The following GMDS variants were observed in gnomAD, a reference collection of about 807,000 sequenced individuals.
GMDS encodes the protein GDP-mannose 4,6-dehydratase, also known as GDP-mannose 4,6 dehydratase.
Under a neutral mutation model 49.9 loss-of-function variants are expected in GMDS, and 20 were observed. The ratio of observed to expected loss-of-function variants is 0.40; its 90% CI spans 0.28 to 0.58. The LOEUF is 0.58. GMDS is among the 20% of genes least tolerant of loss of function. GMDS has a pLI of 0.42. For missense variants in GMDS, 362 were observed against 481.4 expected (o/e 0.75, Z 2.32); for synonymous variants, 177 against 178.6 (o/e 0.99, Z 0.07).
chr6:1,888,701 A>C (rs1436068797), intron 7 of GMDS, among the ~76,000 whole-genome samples: 1 of 152,196 alleles, frequency 6.6e-6, no homozygotes, highest in Non-Finnish European at 1.5e-5. Context: ...CAAAAGTCCA[A>C]GTCCAAAGTC....
chr6:1,910,402 T>C (rs892381349), intron 7 of GMDS, among the ~76,000 whole-genome samples: 1 of 152,108 alleles, frequency 6.6e-6, no homozygotes, highest in Non-Finnish European at 1.5e-5. Flanking sequence ...TCATAATCTG[T>C]GTCACAGAAC....
chr6:1,671,756 C>CT (rs1764438432), intron 9 of GMDS, among the ~76,000 whole-genome samples: 1 of 144,290 alleles, frequency 6.9e-6, no homozygotes, highest in South Asian at 2.3e-4. Context: ...CCTCTGCCCC[C>CT]CGGGTTCAAC....
chr6:2,027,444 T>C (rs1768671161), intron 4 of GMDS, among the ~76,000 whole-genome samples: 1 of 152,174 alleles, frequency 6.6e-6, no homozygotes, highest in Non-Finnish European at 1.5e-5. Flanking sequence ...GCAGGGAATT[T>C]GAAAGATTTT....
At chr6:1,638,386 C>A (rs1301416291) in intron 9 of GMDS, among the ~76,000 whole-genome samples, 1 of 152,170 alleles carries the variant, frequency 6.6e-6, no homozygotes, top group Non-Finnish European at 1.5e-5. Flanking sequence ...ATTAACGTAG[C>A]TTTCTCGAAA....
intron 9 of GMDS, among the ~76,000 whole-genome samples, chr6:1,662,612 C>T (rs1191681294): frequency 6.6e-6 from 1 of 152,012 alleles, no homozygotes; most frequent in Non-Finnish European, 1.5e-5. Flanking sequence ...ACTGGAACAT[C>T]CAAGGAGAAG....
At chr6:2,091,403 G>A (rs1773304036) in intron 4 of GMDS, among the ~76,000 whole-genome samples, 1 of 152,150 alleles carries the variant, frequency 6.6e-6, no homozygotes, top group African/African-American at 2.4e-5. Context: ...TGAGCTACAA[G>A]GACAGTGTAA....
chr6:1,957,417 T>C (rs1763701146), intron 6 of GMDS, among the ~76,000 whole-genome samples: 1 of 152,234 alleles, frequency 6.6e-6, no homozygotes, highest in South Asian at 2.1e-4. Flanking sequence ...TGAAAATTAA[T>C]GATCAAGTTT....
intron 4 of GMDS, among the ~76,000 whole-genome samples, chr6:1,998,526 AAC>A (rs1303176461): frequency 6.6e-6 from 1 of 152,192 alleles, no homozygotes; most frequent in Admixed American, 6.5e-5. Context: ...ACAAAATATT[AAC>A]AGTCAGCCCT....
At chr6:2,234,485 T>C (rs1177435740) in intron 1 of GMDS, among the ~76,000 whole-genome samples, 1 of 152,104 alleles carries the variant, frequency 6.6e-6, no homozygotes, top group African/African-American at 2.4e-5. Flanking sequence ...AGCGGGTGCC[T>C]GTAATCCCAG....
intron 7 of GMDS, among the ~76,000 whole-genome samples, chr6:1,813,907 C>T (rs191781036): frequency 1.4e-3 from 211 of 152,198 alleles, no homozygotes; most frequent in Non-Finnish European, 2.0e-3. Context: ...CAGTAATATT[C>T]GGGCTTATAT....
At chr6:1,721,799 A>C (rs941580820) in intron 9 of GMDS, among the ~76,000 whole-genome samples, 2 of 152,152 alleles carry the variant, frequency 1.3e-5, no homozygotes, top group Admixed American at 6.5e-5. Flanking sequence ...TATTTTATAT[A>C]TATTAATAGG....
intron 1 of GMDS, among the ~76,000 whole-genome samples, chr6:2,228,561 G>A (rs1780926235): frequency 6.6e-6 from 1 of 152,198 alleles, no homozygotes; most frequent in African/African-American, 2.4e-5. Context: ...TTTGGAACTG[G>A]TGGTAAGAAC....
intron 4 of GMDS, among the ~76,000 whole-genome samples, chr6:1,995,017 C>T (rs1298043414): frequency 1.3e-5 from 2 of 152,098 alleles, no homozygotes; most frequent in African/African-American, 4.8e-5. Flanking sequence ...ATAATCCATG[C>T]TTAGTTAGCA....
intron 7 of GMDS, among the ~76,000 whole-genome samples, chr6:1,844,118 C>A (rs1264363048): frequency 6.6e-6 from 1 of 152,204 alleles, no homozygotes; most frequent in Non-Finnish European, 1.5e-5. Flanking sequence ...GATATACTGA[C>A]AGATCGAATT....
At position 1,695,931 on chromosome 6, in the gene GMDS, T is replaced by C. The variant is rs544665571; in HGVS notation, c.987+30485A>G. 4.8e-3 allele frequency among the ~76,000 whole-genome samples: 728 copies of C among 150,628 alleles called. 4 individuals carry two copies. Among genetic ancestry groups the C allele is most frequent in the South Asian group, 0.017 (82 of 4,764 alleles). ...GGTTTTTTTTTTTTTTTCTTTTTTT[T>C]TTTTTTTAATTTTAGCTTTGATGAC... On this transcript the variant is annotated intron_variant, in intron 9 of 10. Coordinates refer to ENST00000380815, the MANE Select transcript of GMDS (RefSeq NM_001500.4).
At chr6:1,898,848 G>A (rs1220518297) in intron 7 of GMDS, among the ~76,000 whole-genome samples, 2 of 152,182 alleles carry the variant, frequency 1.3e-5, no homozygotes, top group Non-Finnish European at 2.9e-5. Flanking sequence ...TGTGCCAGTG[G>A]CTGGGGATTT....
intron 7 of GMDS, among the ~76,000 whole-genome samples, chr6:1,875,371 C>T (rs1377096399): frequency 1.3e-5 from 2 of 151,010 alleles, no homozygotes; most frequent in Non-Finnish European, 2.9e-5. Context: ...AGATATGTAT[C>T]AACAAACTCT....
chr6:2,024,071 A>G (rs1335133257), intron 4 of GMDS, among the ~76,000 whole-genome samples: 2 of 152,192 alleles, frequency 1.3e-5, no homozygotes, highest in Admixed American at 6.5e-5. Context: ...AAAAAAAGAA[A>G]AAAAATTGAG....
chr6:1,909,334 G>A (rs1426931742), intron 7 of GMDS, among the ~76,000 whole-genome samples: 1 of 152,190 alleles, frequency 6.6e-6, no homozygotes, highest in Non-Finnish European at 1.5e-5. Flanking sequence ...CTGCCTACTT[G>A]TGAATTACCT....
Sources: allele counts gnomAD v4.1 joint callset (sites outside exome capture counted in the v4.1 genomes callset), GRCh38; gene constraint gnomAD v4.1.1; transcripts MANE v1.5; gene names NCBI Gene and HGNC (gene_info 2026-07-23, HGNC 2026-07-21).